Variants in HCN4 observed in about 807,000 individuals in gnomAD.
The protein encoded by HCN4 is hyperpolarization activated cyclic nucleotide gated potassium channel 4, also known as potassium/sodium hyperpolarization-activated cyclic nucleotide-gated channel 4.
A neutral mutation model predicts 76.9 loss-of-function variants in HCN4; 29 were observed. That is an observed-to-expected ratio of 0.38 (90% confidence interval 0.28 to 0.51). The LOEUF is 0.51. Among genes scored for constraint, HCN4 ranks in the 20% least tolerant of loss-of-function variants. The probability of loss-of-function intolerance (pLI) is 0.90; values close to 1 mark genes in which losing one functional copy is unlikely to be tolerated. For missense variants in HCN4, 1,416 were observed against 1,715.2 expected, an observed-to-expected ratio of 0.83 and a Z score of 3.08; for synonymous variants, 772 against 762.5, an observed-to-expected ratio of 1.01 and a Z score of -0.21.
At position 73,367,608 on chromosome 15, in the gene HCN4, C is replaced by A. The variant is rs1160951266; in HGVS notation, c.663G>T (p.Met221Ile). ...AGFMQRQFGAMLQPGVNKFSL... is the reference protein window; with the variant it reads ...AGFMQRQFGAILQPGVNKFSL... ...AGAATTTGTTGACCCCGGGTTGGAG[C>A]ATGGCCCCGAACTGGCGCTGCATGA... The change falls in exon 1 of 8, where the codon ATG (methionine) becomes ATT (isoleucine). Residue 221 changes from methionine to isoleucine, a missense_variant. Around this residue, in one of 6 missense-constraint regions of HCN4, gnomAD observed 355 missense variants for 347.8 expected, o/e 1.02. Transcript: ENST00000261917. The surrounding 1 kb of genome is among the most constrained non-coding windows in gnomAD (Gnocchi z 7.5). 1.9e-6 allele frequency: 3 copies of A among 1,613,406 alleles called. No homozygotes were observed. Among genetic ancestry groups the A allele is most frequent in the Non-Finnish European group, 2.5e-6 (3 of 1,180,024 alleles).
At chr15:73,366,460 C>T (rs938144619) in intron 1 of HCN4, among the ~76,000 whole-genome samples, 5 of 152,152 alleles carry the variant, frequency 3.3e-5, no homozygotes, top group Non-Finnish European at 5.9e-5. Context: ...AAAGTGTTTC[C>T]CAGACCTTCA....
chr15:73,350,025 C>A (rs1017120743), intron 1 of HCN4, among the ~76,000 whole-genome samples: 3 of 152,242 alleles, frequency 2.0e-5, no homozygotes, highest in Admixed American at 1.3e-4. Flanking sequence ...CCAAAGCACA[C>A]ACTTGACCAC....
chr15:73,343,801 A>G lies in HCN4; in HGVS notation c.793T>C (p.Trp265Arg). ...IHPYSDFRFY[W>R]DLTMLLLMVG... ...ATCAGCAGCAGCATGGTCAGGTCCC[A>G]GTAAAATCTGCCCAGAGACACAGGG... Residue 265 changes from tryptophan (W) to arginine (R), a missense_variant, in exon 2 of 8, where the codon TGG becomes CGG. Trp to Arg is a moderately radical substitution (Grantham distance 101). This residue lies in a region of HCN4 where 52 missense variants were observed against 129.1 expected (regional missense o/e 0.40). Transcript: ENST00000261917. The surrounding 1 kb of genome is among the most constrained non-coding windows in gnomAD (Gnocchi z 5.7). 6.2e-7 allele frequency: 1 copy of G among 1,614,020 alleles called. No individual in the cohort carries two copies. Among genetic ancestry groups the G allele is most frequent in the Non-Finnish European group, 8.5e-7 (1 of 1,180,030 alleles).
rs1310001419 is a variant in HCN4, at chr15:73,367,446, C to T, written c.785+40G>A. ...GGTCAGGAGGAGGCATGCCTGCCAC[C>T]GCGCAGGGCACCCACAGGATCATCG... On this transcript the variant is annotated intron_variant, in intron 1 of 7. Transcript: ENST00000261917. This position sits in a 1 kb window ranked among gnomAD's most constrained non-coding sequence, Gnocchi z 7.5. 5 of 1,611,326 alleles carry T rather than the reference C, an allele frequency of 3.1e-6. No individual in the cohort carries two copies. Among genetic ancestry groups the T allele is most frequent in the Non-Finnish European group, 4.2e-6 (5 of 1,179,686 alleles).
chr15:73,341,012 G>A (rs1293821737), intron 2 of HCN4: 2 of 151,988 alleles, frequency 1.3e-5, no homozygotes, highest in East Asian at 1.9e-4. Flanking sequence ...TCTCTTGACA[G>A]CTAAGTATGG....
In HCN4 at chr15:73,328,889, A is replaced by G. The variant is rs2042915575; in HGVS notation, c.1590+684T>C. On this transcript the variant is annotated intron_variant, in intron 4 of 7. Transcript: ENST00000261917. The surrounding 1 kb of genome is among the most constrained non-coding windows in gnomAD (Gnocchi z 4.0). Reference sequence around the variant, plus strand: ...ATGGCTCCTAGTCTCTGGCCTGGGCATCTGGGAAGAGCAGAGACTTGGAGT... The same window carrying G: ...ATGGCTCCTAGTCTCTGGCCTGGGCGTCTGGGAAGAGCAGAGACTTGGAGT... Among the ~76,000 whole-genome samples the G allele has an allele frequency of 6.6e-6, 1 of 152,204 alleles. No homozygotes were observed. Among genetic ancestry groups the G allele is most frequent in the Non-Finnish European group, 1.5e-5 (1 of 68,024 alleles).
intron 1 of HCN4, among the ~76,000 whole-genome samples, chr15:73,356,065 G>C (rs1342331694): frequency 6.6e-6 from 1 of 152,206 alleles, no homozygotes; most frequent in Non-Finnish European, 1.5e-5. Flanking sequence ...ACCCTCTGGG[G>C]AAATTAGGTG....
intron 1 of HCN4, among the ~76,000 whole-genome samples, chr15:73,350,925 C>G (rs941444974): frequency 1.1e-4 from 16 of 152,304 alleles, no homozygotes; most frequent in African/African-American, 3.6e-4. Flanking sequence ...TCCCCACACT[C>G]TCGCTTTCGT....
In HCN4 at chr15:73,324,003, G is replaced by A. The variant is rs1432555547; in HGVS notation, c.2144-54C>T. ...AGGGCAGAGCGGGGAAGGAGATCAG[G>A]TGCAGACCTGGCTTAGGCATAAAGG... On this transcript the variant is annotated intron_variant, in intron 7 of 7. Coordinates refer to ENST00000261917, the MANE Select transcript of HCN4 (RefSeq NM_005477.3). The A allele has an allele frequency of 6.2e-6, 10 of 1,611,744 alleles. No homozygotes were observed. The East Asian group carries it at 2.2e-4, about 36-fold the overall frequency.
chr15:73,355,138 C>A (rs1051794677), intron 1 of HCN4, among the ~76,000 whole-genome samples: 2 of 152,202 alleles, frequency 1.3e-5, no homozygotes, highest in Non-Finnish European at 2.9e-5. Flanking sequence ...CCAAGTAGGT[C>A]CGCTGGTCAG....
chr15:73,365,228 T>C (rs1454081029), intron 1 of HCN4, among the ~76,000 whole-genome samples: 4 of 152,166 alleles, frequency 2.6e-5, no homozygotes, highest in Non-Finnish European at 5.9e-5. Context: ...TGACACTAGC[T>C]GTTTTGGCCT....
At chr15:73,331,650 G>A (rs562730467) in intron 3 of HCN4, among the ~76,000 whole-genome samples, 2 of 152,166 alleles carry the variant, frequency 1.3e-5, no homozygotes, top group African/African-American at 2.4e-5. Flanking sequence ...TCCCTATGCC[G>A]CTCAGGCTGG....
At chr15:73,341,952 G>C (rs1391634316) in intron 2 of HCN4, among the ~76,000 whole-genome samples, 1 of 152,216 alleles carries the variant, frequency 6.6e-6, no homozygotes, top group African/African-American at 2.4e-5. Flanking sequence ...GGGAACTTCT[G>C]CCAGGCAAGC....
At chr15:73,337,305 A>T (rs2042972519) in intron 2 of HCN4, among the ~76,000 whole-genome samples, 1 of 151,986 alleles carries the variant, frequency 6.6e-6, no homozygotes, top group Admixed American at 6.5e-5. Context: ...TCTACTTCTC[A>T]CTTCTGTGTT....
intron 1 of HCN4, among the ~76,000 whole-genome samples, chr15:73,349,667 AC>A (rs951614122): frequency 6.6e-6 from 1 of 152,026 alleles, no homozygotes; most frequent in African/African-American, 2.4e-5. Flanking sequence ...GCTTAAGTGA[AC>A]CCTAGTTGTG....
rs200053779 is a variant in HCN4 at position 73,367,436 on chromosome 15, T to C, written c.785+50A>G. On this transcript the variant is annotated intron_variant, in intron 1 of 7. Coordinates refer to ENST00000261917, the MANE Select transcript of HCN4 (RefSeq NM_005477.3). The surrounding 1 kb of genome is among the most constrained non-coding windows in gnomAD (Gnocchi z 7.5). ...TGGGAGGCAGGGTCAGGAGGAGGCATGCCTGCCACCGCGCAGGGCACCCAC... is the reference window on the plus strand; with the variant it reads ...TGGGAGGCAGGGTCAGGAGGAGGCACGCCTGCCACCGCGCAGGGCACCCAC... 14 of 1,610,776 alleles carry C rather than the reference T, an allele frequency of 8.7e-6. No homozygotes were observed. The East Asian group carries it at 2.9e-4, about 33-fold the overall frequency.
rs761909019 is a variant in HCN4, at chr15:73,323,046, G to T, written c.3047C>A (p.Pro1016His). ...LVAGASGGASPVGFTPRGGLS... is the reference protein window; with the variant it reads ...LVAGASGGASHVGFTPRGGLS... Reference sequence around the variant, plus strand: ...ACCTCCTCGGGGAGTAAAGCCTACAGGGGAAGCCCCCCCAGAGGCCCCTGC... The same window carrying T: ...ACCTCCTCGGGGAGTAAAGCCTACATGGGAAGCCCCCCCAGAGGCCCCTGC... The change falls in exon 8 of 8, where the codon CCT becomes CAT. Residue 1016 changes from proline to histidine, a missense_variant. This residue lies in a region of HCN4 where 633 missense variants were observed against 579.8 expected (regional missense o/e 1.09). Coordinates refer to ENST00000261917, the MANE Select transcript of HCN4 (RefSeq NM_005477.3). 6.6e-7 allele frequency: 1 copy of T among 1,525,574 alleles called. No individual in the cohort carries two copies. Among genetic ancestry groups the T allele is most frequent in the Non-Finnish European group, 8.8e-7 (1 of 1,142,474 alleles). The allele number at this position is 1,525,574 out of a possible 1,614,324, so 94.5% of individuals were successfully genotyped here. A position where few individuals can be genotyped will look rare whatever the true frequency, so the allele number is the denominator to read the frequency against.
Position 73,332,297 on chromosome 15 carries a change from C to T in HCN4, c.1210-5G>A, listed in dbSNP as rs1404126690. The T allele has an allele frequency of 6.2e-7, 1 of 1,614,042 alleles. No homozygotes were observed. The highest frequency in any genetic ancestry group is 2.2e-5 in the East Asian group (1 of 44,884). On this transcript the variant is annotated splice_polypyrimidine_tract_variant and splice_region_variant and intron_variant, in intron 2 of 7. Transcript: ENST00000261917. Reference sequence around the variant, plus strand: ...GTCGTAGGTCATGTGGAAGATCTGCCAGCAGAGGAGGAGAAATTGGCTGGG... The same window carrying T: ...GTCGTAGGTCATGTGGAAGATCTGCTAGCAGAGGAGGAGAAATTGGCTGGG...
chr15:73,363,450 C>T (rs2043115444), intron 1 of HCN4, among the ~76,000 whole-genome samples: 1 of 152,220 alleles, frequency 6.6e-6, no homozygotes, highest in African/African-American at 2.4e-5. Flanking sequence ...GAGGGACCCC[C>T]ACTGCCAGGC....
Sources: allele counts gnomAD v4.1 joint callset (sites outside exome capture counted in the v4.1 genomes callset), GRCh38; gene constraint gnomAD v4.1.1; regional missense constraint gnomAD v4.1.1; non-coding constraint Gnocchi (gnomAD v3.1); transcripts MANE v1.5; gene names NCBI Gene and HGNC (gene_info 2026-07-23, HGNC 2026-07-21).